ATP9B: variants seen among roughly 807,000 people sequenced by gnomAD.
The protein encoded by ATP9B is probable phospholipid-transporting ATPase IIB.
A neutral mutation model predicts 146.1 loss-of-function variants in ATP9B; 110 were observed. The ratio of observed to expected loss-of-function variants is 0.75; its 90% CI spans 0.65 to 0.88. ATP9B has a LOEUF of 0.88. Among genes scored for constraint, ATP9B ranks in the 40% least tolerant of loss-of-function variants. ATP9B has a pLI of 0.00. For missense variants in ATP9B, 1,499 were observed against 1,496.4 expected (o/e 1.00, Z -0.03); for synonymous variants, 604 against 569.7 (o/e 1.06, Z -0.86).
intron 11 of ATP9B, among the ~76,000 whole-genome samples, chr18:79,217,111 G>A (rs867856094): frequency 2.6e-5 from 4 of 152,258 alleles, no homozygotes; most frequent in Admixed American, 2.0e-4. Context: ...CACGTCTCAA[G>A]ACAAAGCGCT....
intron 12 of ATP9B, among the ~76,000 whole-genome samples, chr18:79,271,630 G>T (rs1473136757): frequency 6.6e-6 from 1 of 152,116 alleles, no homozygotes; most frequent in East Asian, 1.9e-4. Flanking sequence ...TCTTAATCCA[G>T]TCTATCACTG....
At chr18:79,312,498 G>A (rs1253809789) in intron 15 of ATP9B, among the ~76,000 whole-genome samples, 1 of 152,168 alleles carries the variant, frequency 6.6e-6, no homozygotes, top group Non-Finnish European at 1.5e-5. Flanking sequence ...ATTGGCACGC[G>A]GGACTCCCAT....
chr18:79,338,423 C>A (rs1408840905), intron 19 of ATP9B, among the ~76,000 whole-genome samples: 2 of 152,236 alleles, frequency 1.3e-5, no homozygotes, highest in Admixed American at 6.5e-5. Context: ...ATGCTCCCAG[C>A]AGCAGTATCC....
intron 9 of ATP9B, among the ~76,000 whole-genome samples, chr18:79,199,762 GAAAAAA>G (rs61015454): frequency 5.0e-5 from 7 of 139,526 alleles, no homozygotes; most frequent in African/African-American, 1.5e-4. Flanking sequence ...GACTACATCT[GAAAAAA>G]AAAAAAAAAA....
chr18:79,344,418 C>T (rs2147453755), intron 21 of ATP9B, 64 bp downstream of exon 21: 8 of 1,456,192 alleles, frequency 5.5e-6, no homozygotes, highest in South Asian at 1.2e-5. Context: ...TGGTCCCTGG[C>T]TGAGTGTCTG....
chr18:79,070,324 C>T (rs891169480), intron 1 of ATP9B, among the ~76,000 whole-genome samples: 2 of 152,096 alleles, frequency 1.3e-5, no homozygotes, highest in Non-Finnish European at 2.9e-5. Context: ...TGTTTTCGGC[C>T]ATTTGAGAGA....
intron 13 of ATP9B, among the ~76,000 whole-genome samples, chr18:79,286,401 A>G (rs868270599): frequency 6.6e-6 from 1 of 150,448 alleles, no homozygotes. Flanking sequence ...GAGTTCACTC[A>G]TGATTTGGCT....
At chr18:79,375,791 C>T in intron 29 of ATP9B, 2 of 985,440 alleles carry the variant, frequency 2.0e-6, no homozygotes, top group Non-Finnish European at 2.4e-6. Context: ...AATTCCCCTT[C>T]ATACAGAGAT....
intron 7 of ATP9B, among the ~76,000 whole-genome samples, chr18:79,161,771 G>A (rs763115219): frequency 9.9e-5 from 15 of 152,266 alleles, no homozygotes; most frequent in South Asian, 2.1e-4. Context: ...GCGTGAACCC[G>A]GGAGGCGGAG....
chr18:79,348,091 T>C, intron 24 of ATP9B, 41 bp from the exon 25 acceptor site: 1 of 1,611,726 alleles, frequency 6.2e-7, no homozygotes, highest in Non-Finnish European at 8.5e-7. Flanking sequence ...CAGGTGCTCG[T>C]GGAACTGACA....
intron 5 of ATP9B, among the ~76,000 whole-genome samples, chr18:79,133,488 T>G (rs1444638139): frequency 6.6e-6 from 1 of 150,834 alleles, no homozygotes; most frequent in African/African-American, 2.5e-5. Flanking sequence ...TGTGGCCATA[T>G]AGACTCAGGA....
At chr18:79,286,258 T>C (rs368614243) in intron 13 of ATP9B, among the ~76,000 whole-genome samples, 2 of 150,632 alleles carry the variant, frequency 1.3e-5, no homozygotes, top group East Asian at 2.0e-4. Context: ...GAGCATGGAA[T>C]GTTCTTCCAT....
intron 17 of ATP9B, among the ~76,000 whole-genome samples, chr18:79,332,201 G>A (rs558185462): frequency 4.6e-5 from 7 of 152,166 alleles, no homozygotes; most frequent in East Asian, 1.9e-4. Context: ...AGGCCAAGGC[G>A]GGCAGATCAC....
chr18:79,283,071 G>A (rs9964577), intron 13 of ATP9B, among the ~76,000 whole-genome samples: 65,567 of 151,968 alleles, frequency 0.43, 14,408 homozygotes, highest in East Asian at 0.66. Context: ...ACTGCTAATC[G>A]GTTGTTTTAT....
intron 17 of ATP9B, among the ~76,000 whole-genome samples, chr18:79,333,776 T>C (rs190874420): frequency 1.3e-5 from 2 of 152,326 alleles, no homozygotes; most frequent in Admixed American, 1.3e-4. Context: ...CGGCCGTAGC[T>C]AAGTTGGGAG....
At chr18:79,193,117 G>T in intron 8 of ATP9B, 66 bp from the exon 9 acceptor site, 2 of 1,209,794 alleles carry the variant, frequency 1.7e-6, no homozygotes, top group South Asian at 2.7e-5. Context: ...ATCAGCAAAT[G>T]AGAAATTTCC....
chr18:79,178,444 G>A (rs1353270536), intron 8 of ATP9B, among the ~76,000 whole-genome samples: 1 of 152,138 alleles, frequency 6.6e-6, no homozygotes, highest in Non-Finnish European at 1.5e-5. Flanking sequence ...CTTTGGTGAT[G>A]TGTCCTGTTG....
At chr18:79,105,459 T>C (rs1032944988) in intron 2 of ATP9B, among the ~76,000 whole-genome samples, 1 of 152,222 alleles carries the variant, frequency 6.6e-6, no homozygotes, top group Non-Finnish European at 1.5e-5. Context: ...TTAAAATTAT[T>C]ATTAAAAGAC....
intron 7 of ATP9B, among the ~76,000 whole-genome samples, chr18:79,163,850 A>G (rs2094920240): frequency 7.1e-6 from 1 of 141,726 alleles, no homozygotes; most frequent in Non-Finnish European, 1.5e-5. Context: ...TTTATATTTT[A>G]TTTTCATATT....
Sources: gnomAD v4.1 joint callset for allele counts (sites outside exome capture counted in the v4.1 genomes callset) on GRCh38, gnomAD v4.1.1 for gene constraint, MANE v1.5 for transcripts, NCBI Gene and HGNC (gene_info 2026-07-23, HGNC 2026-07-21) for gene names.